The following CAST variants were observed in gnomAD, a reference collection of about 807,000 sequenced individuals.
The protein encoded by CAST is MIR583 host.
CAST carries 76 observed loss-of-function variants against 119.6 expected under a neutral mutation model. That is an observed-to-expected ratio of 0.64 (90% CI 0.53 to 0.77). CAST has a LOEUF of 0.77. Among genes scored for constraint, CAST ranks in the 30% least tolerant of loss-of-function variants. The pLI is 0.00. For synonymous variants in CAST, 319 were observed against 331.6 expected (o/e 0.96, Z 0.41); for missense variants, 953 against 946.5 (o/e 1.01, Z -0.09).
the CAST span, among the ~76,000 whole-genome samples, chr5:96,335,491 C>T: frequency 6.6e-6 from 1 of 152,210 alleles, no homozygotes; most frequent in South Asian, 2.1e-4. Context: ...TCCTCTCCCT[C>T]CATCTACCAC....
At chr5:96,708,256 G>T (rs111440400) in intron 3 of CAST, among the ~76,000 whole-genome samples, 7 of 152,204 alleles carry the variant, frequency 4.6e-5, no homozygotes, top group African/African-American at 1.7e-4. Context: ...AACTGAAACT[G>T]GTAACCAGCA....
At chr5:96,716,787 A>G (rs1456009959) in intron 3 of CAST, among the ~76,000 whole-genome samples, 1 of 152,162 alleles carries the variant, frequency 6.6e-6, no homozygotes, top group Non-Finnish European at 1.5e-5. Context: ...AATTTAGAAA[A>G]TGTTTTGTAT....
At chr5:96,115,219 C>G in the CAST span, among the ~76,000 whole-genome samples, 1 of 152,316 alleles carries the variant, frequency 6.6e-6, no homozygotes, top group African/African-American at 2.4e-5. Flanking sequence ...CATCTGTGCT[C>G]TCAACAGTAC....
At chr5:96,383,649 T>C in the CAST span, among the ~76,000 whole-genome samples, 1 of 152,190 alleles carries the variant, frequency 6.6e-6, no homozygotes, top group Non-Finnish European at 1.5e-5. Flanking sequence ...GGTTTCACCA[T>C]GTTGGCCAGG....
chr5:96,171,241 T>C, the CAST span, among the ~76,000 whole-genome samples: 1 of 152,178 alleles, frequency 6.6e-6, no homozygotes, highest in Non-Finnish European at 1.5e-5. Flanking sequence ...TTTAGGGCCA[T>C]TGTCAAGTTT....
chr5:96,288,170 C>A, the CAST span, among the ~76,000 whole-genome samples: 6 of 152,062 alleles, frequency 3.9e-5, no homozygotes, highest in Non-Finnish European at 5.9e-5. Context: ...TGTGGGTGCA[C>A]CTGGAAAGAA....
the CAST span, among the ~76,000 whole-genome samples, chr5:96,268,947 C>T: frequency 6.6e-6 from 1 of 152,100 alleles, no homozygotes; most frequent in African/African-American, 2.4e-5. Flanking sequence ...AGTGAGTTCT[C>T]ATGAGATCTG....
the CAST span, among the ~76,000 whole-genome samples, chr5:96,368,922 C>T: frequency 6.6e-6 from 1 of 152,078 alleles, no homozygotes; most frequent in South Asian, 2.1e-4. Context: ...CCATTTTGTT[C>T]CTAAAGCTTG....
Position 96,632,085 on chromosome 5 carries a change from A to C in CAST, c.61-43454A>C, listed in dbSNP as rs73136637. Among the ~76,000 whole-genome samples the C allele has an allele frequency of 8.1e-3, 1,225 of 151,716 alleles. 20 individuals are homozygous for C. The highest frequency in any genetic ancestry group is 0.027 in the African/African-American group (1,121 of 41,368). ...TGGGTATGAAGTGATGTAGCATCAT[A>C]ATGACTAATTATGTTGATCACCTTT... On this transcript the variant is annotated intron_variant, in intron 1 of 11. Transcript: ENST00000505143.
At chr5:96,609,456 G>T (rs551980319) in intron 1 of CAST, among the ~76,000 whole-genome samples, 65 of 152,272 alleles carry the variant, frequency 4.3e-4, no homozygotes, top group African/African-American at 1.4e-3. Flanking sequence ...TAATAATCTT[G>T]TTAAAATCCA....
the CAST span, among the ~76,000 whole-genome samples, chr5:96,430,796 C>A: frequency 6.6e-6 from 1 of 152,104 alleles, no homozygotes; most frequent in Admixed American, 6.5e-5. Flanking sequence ...TATTGTAAAT[C>A]ATATATAAAT....
At chr5:96,616,932 TGGCAG>T (rs1467061264) in intron 1 of CAST, among the ~76,000 whole-genome samples, 11 of 152,078 alleles carry the variant, frequency 7.2e-5, no homozygotes, top group Non-Finnish European at 1.5e-4. Context: ...GGTTCTCTCA[TGGCAG>T]GGCAGGGCAT....
At chr5:96,210,737 G>A in the CAST span, among the ~76,000 whole-genome samples, 1 of 151,932 alleles carries the variant, frequency 6.6e-6, no homozygotes, top group Non-Finnish European at 1.5e-5. Context: ...GATTTTGAAA[G>A]GAATTGGATT....
chr5:96,047,339 C>T, the CAST span, among the ~76,000 whole-genome samples: 7 of 152,076 alleles, frequency 4.6e-5, no homozygotes, highest in African/African-American at 1.2e-4. Context: ...TTTATTTTTT[C>T]GGGTGAATTA....
the CAST span, among the ~76,000 whole-genome samples, chr5:96,494,942 C>G: frequency 1.3e-5 from 2 of 151,690 alleles, no homozygotes; most frequent in Non-Finnish European, 2.9e-5. Context: ...ACAGTGAAAC[C>G]CCGTCTCTAC....
chr5:96,238,366 C>CTTCATCTTCTT, the CAST span, among the ~76,000 whole-genome samples: 2 of 23,210 alleles, frequency 8.6e-5, no homozygotes, highest in East Asian at 2.0e-3. Context: ...TTCTTCTTCT[C>CTTCATCTTCTT]CTTCTTCTCC....
At chr5:96,571,946 A>G (rs563724648) in intron 1 of CAST, among the ~76,000 whole-genome samples, 1 of 152,384 alleles carries the variant, frequency 6.6e-6, no homozygotes, top group African/African-American at 2.4e-5. Flanking sequence ...TGTTGAGTGA[A>G]TAAATAAATT....
At chr5:96,188,329 T>G in the CAST span, among the ~76,000 whole-genome samples, 1 of 152,180 alleles carries the variant, frequency 6.6e-6, no homozygotes, top group African/African-American at 2.4e-5. Context: ...CCAATGGATC[T>G]TTCCATAAAT....
chr5:96,281,501 A>G, the CAST span, among the ~76,000 whole-genome samples: 1 of 152,212 alleles, frequency 6.6e-6, no homozygotes, highest in Non-Finnish European at 1.5e-5. Flanking sequence ...CTTAAACAAG[A>G]TAGTTTATTT....
Sources: allele counts gnomAD v4.1 joint callset (sites outside exome capture counted in the v4.1 genomes callset), GRCh38; gene constraint gnomAD v4.1.1; transcripts MANE v1.5; gene names NCBI Gene and HGNC (gene_info 2026-07-23, HGNC 2026-07-21).